FAM217B: variants seen among roughly 807,000 people sequenced by gnomAD.
FAM217B encodes the protein family with sequence similarity 217 member B.
For missense variants in FAM217B, 463 were observed against 456.9 expected (o/e 1.01, Z -0.12); for synonymous variants, 163 against 173.0 (o/e 0.94, Z 0.45).
intron 1 of FAM217B, among the ~76,000 whole-genome samples, chr20:59,934,236 C>T (rs909300221): frequency 2.0e-5 from 3 of 152,212 alleles, no homozygotes; most frequent in Admixed American, 6.5e-5. Context: ...GACCGCAGGT[C>T]CGGAGACGGG....
upstream of FAM217B, among the ~76,000 whole-genome samples, chr20:59,935,543 G>A (rs2060857134): frequency 1.3e-5 from 2 of 152,114 alleles, no homozygotes; most frequent in South Asian, 4.1e-4. Context: ...TGAGTTGATG[G>A]GATTGCTTGA....
chr20:59,945,396 G>A lies in FAM217B; in HGVS notation c.*301G>A, dbSNP rs1331876941. On this transcript the variant is annotated 3_prime_UTR_variant, in exon 4 of 4. Coordinates refer to ENST00000360816, the MANE Select transcript of FAM217B (RefSeq NM_022106.3). ...GCACCTCTCCAGGGAAAGTGTCAGT[G>A]AAACCTCAGCTACAGTAGCCGGTCT... is the stretch of plus-strand genomic sequence containing the variant. 1.4e-5 allele frequency: 4 copies of A among 281,450 alleles called. No homozygotes were observed. The allele number at this position is 281,450 out of a possible 1,614,324, so 17.4% of individuals were successfully genotyped here.
Position 59,945,008 on chromosome 20 carries a change from G to C in FAM217B, c.1065G>C (p.Lys355Asn). 3 of 1,614,192 alleles carry C rather than the reference G, an allele frequency of 1.9e-6. No homozygotes were observed. In the African/African-American group the frequency reaches 4.0e-5, roughly 22 times the overall value. The change falls in exon 4 of 4, where the codon AAG (lysine) becomes AAC (asparagine). Residue 355 changes from lysine (K) to asparagine (N), a missense_variant. Lys to Asn is a moderately conservative substitution (Grantham distance 94). Transcript: ENST00000360816. ...ATGCACATCCTAGGAAAAAGGGAAA[G>C]GCAGAGAGCTGTGGTCATGCCACTG... The part of the protein sequence containing the change: ...QAHAHPRKKG[K>N]AESCGHATVS...
upstream of FAM217B, chr20:59,939,666 G>A (rs768627326): frequency 5.4e-6 from 8 of 1,480,648 alleles, no homozygotes; most frequent in Non-Finnish European, 7.1e-6. Context: ...CGCAGCGCCC[G>A]GCGCGCCCGC....
rs758190283 is a variant in FAM217B at position 59,944,680 on chromosome 20, C to G, written c.737C>G (p.Pro246Arg). 10 of 1,614,178 alleles carry G rather than the reference C, an allele frequency of 6.2e-6. No individual in the cohort carries two copies. The highest frequency in any genetic ancestry group is 8.5e-6 in the Non-Finnish European group (10 of 1,180,034). ...PHQEGASKSG[P>R]SRKKAFHHEE... Reference sequence around the variant, plus strand: ...CAGGAAGGGGCTTCAAAGTCAGGCCCTTCCCGAAAGAAAGCTTTTCACCAT... The same window carrying G: ...CAGGAAGGGGCTTCAAAGTCAGGCCGTTCCCGAAAGAAAGCTTTTCACCAT... The change falls in exon 4 of 4, where the codon CCT (proline) becomes CGT (arginine). Residue 246 changes from proline to arginine, a missense_variant. Coordinates refer to ENST00000360816, the MANE Select transcript of FAM217B (RefSeq NM_022106.3).
At chr20:59,941,548 A>G (rs948298684) in intron 1 of FAM217B, among the ~76,000 whole-genome samples, 2 of 152,160 alleles carry the variant, frequency 1.3e-5, no homozygotes, top group Non-Finnish European at 2.9e-5. Context: ...GTGCACTTTT[A>G]ATAGGCCACT....
chr20:59,943,827 C>T lies in FAM217B; in HGVS notation c.-4-113C>T, dbSNP rs909918950. ...GGAAGCTGACATTTTCTAATGCCTA[C>T]TAATAGCTGAGACAAAAAAAAGTAC... On this transcript the variant is annotated intron_variant, in intron 3 of 3. Transcript: ENST00000360816. 7 of 842,866 alleles carry T rather than the reference C, an allele frequency of 8.3e-6. No homozygotes were observed. The African/African-American group carries it at 1.2e-4, about 15-fold the overall frequency. The allele number at this position is 842,866 out of a possible 1,614,324, so 52.2% of individuals were successfully genotyped here. A position where few individuals can be genotyped will look rare whatever the true frequency, so the allele number is the denominator to read the frequency against.
intron 1 of FAM217B, 51 bp downstream of exon 1, chr20:59,940,586 T>A (rs2060897767): frequency 6.6e-6 from 1 of 152,350 alleles, no homozygotes. Flanking sequence ...CTATCGATCA[T>A]AGACTTTGTC....
At position 59,940,459 on chromosome 20, in the gene FAM217B, C is replaced by G. The variant is rs560228641; in HGVS notation, c.-279C>G. On this transcript the variant is annotated 5_prime_UTR_variant, in exon 1 of 4. Transcript: ENST00000360816. ...CTCCCCTGCCGCAGCGCGCCGCAGC[C>G]GGGCGTCCCCGCGCGGGCGCCGGAG... 6.6e-6 allele frequency: 1 copy of G among 152,322 alleles called. No homozygotes were observed. Among genetic ancestry groups the G allele is most frequent in the South Asian group, 2.1e-4 (1 of 4,818 alleles). 9.4% of individuals were successfully genotyped at this position (152,322 alleles called of 1,614,324 possible).
Position 59,944,433 on chromosome 20 carries a change from G to T in FAM217B, c.490G>T (p.Ala164Ser), listed in dbSNP as rs141597928. ...ACGAGATATGGCCCTGCTTCTGAACGCAGAGAACAAAACGGAAGCCGTGCC... is the reference window on the plus strand; with the variant it reads ...ACGAGATATGGCCCTGCTTCTGAACTCAGAGAACAAAACGGAAGCCGTGCC... ...DLRDMALLLNAENKTEAVPRV... is the reference protein window; with the variant it reads ...DLRDMALLLNSENKTEAVPRV... Residue 164 changes from alanine (A) to serine (S), a missense_variant, in exon 4 of 4, where the codon GCA becomes TCA. Ala to Ser is a moderately conservative substitution (Grantham distance 99, BLOSUM62 1). Coordinates refer to ENST00000360816, the MANE Select transcript of FAM217B (RefSeq NM_022106.3). The T allele has an allele frequency of 3.7e-6, 6 of 1,613,758 alleles. No individual in the cohort carries two copies. The highest frequency in any genetic ancestry group is 1.1e-5 in the South Asian group (1 of 91,054).
upstream of FAM217B, chr20:59,937,876 C>CT (rs1219034661): frequency 1.3e-5 from 2 of 152,336 alleles, no homozygotes; most frequent in Non-Finnish European, 2.9e-5. Flanking sequence ...GTTAGAAACT[C>CT]TATCTGAAGG....
chr20:59,947,517 AAAAG>A lies in FAM217B; in HGVS notation c.*2430_*2433del, dbSNP rs1043845911. The A allele has an allele frequency of 3.0e-5, 5 of 166,834 alleles. No individual in the cohort carries two copies. The highest frequency in any genetic ancestry group is 6.5e-5 in the Admixed American group (1 of 15,308). The allele number at this position is 166,834 out of a possible 1,614,324, so 10.3% of individuals were successfully genotyped here. ...GAAACTCCGTTTCAAAAAAAAAAGAAAAAGAAAGAAATTGAGAAGTAACGCCTCA... is the reference window on the plus strand; with the variant it reads ...GAAACTCCGTTTCAAAAAAAAAAGAAAAAGAAATTGAGAAGTAACGCCTCA... On this transcript the variant is annotated 3_prime_UTR_variant, in exon 4 of 4. Transcript: ENST00000360816.
upstream of FAM217B, chr20:59,939,113 T>A: frequency 1.2e-6 from 2 of 1,603,064 alleles, no homozygotes; most frequent in Non-Finnish European, 1.7e-6. Flanking sequence ...GGCTGTAGTC[T>A]CGGTGGTCGT....
At position 59,944,420 on chromosome 20, in the gene FAM217B, C is replaced by G; in HGVS notation, c.477C>G (p.Ala159=). Reference sequence around the variant, plus strand: ...GCTCCTGGGACCTACGAGATATGGCCCTGCTTCTGAACGCAGAGAACAAAA... The same window carrying G: ...GCTCCTGGGACCTACGAGATATGGCGCTGCTTCTGAACGCAGAGAACAAAA... ...PFSSWDLRDM[A]LLLNAENKTE... The change falls in exon 4 of 4, where the codon GCC becomes GCG. Residue 159 remains alanine, a synonymous_variant. Coordinates refer to ENST00000360816, the MANE Select transcript of FAM217B (RefSeq NM_022106.3). 1 of 1,613,986 alleles carries G rather than the reference C, an allele frequency of 6.2e-7. No homozygotes were observed. The highest frequency in any genetic ancestry group is 8.5e-7 in the Non-Finnish European group (1 of 1,179,986).
At chr20:59,942,988 T>A (rs1231776743) in intron 3 of FAM217B, among the ~76,000 whole-genome samples, 1 of 152,234 alleles carries the variant, frequency 6.6e-6, no homozygotes, top group East Asian at 1.9e-4. Context: ...AATAGTTGCT[T>A]AGGTTGTTTG....
intron 3 of FAM217B, among the ~76,000 whole-genome samples, chr20:59,943,457 G>A (rs955978557): frequency 6.6e-6 from 1 of 152,170 alleles, no homozygotes; most frequent in Non-Finnish European, 1.5e-5. Context: ...ACCAATCAGT[G>A]ATTAAACTGC....
chr20:59,944,211 G>A lies in FAM217B; in HGVS notation c.268G>A (p.Asp90Asn), dbSNP rs781742125. The change falls in exon 4 of 4, where the codon GAT becomes AAT. Residue 90 changes from aspartate (D) to asparagine (N), a missense_variant. Transcript: ENST00000360816. Reference sequence around the variant, plus strand: ...AATGAAAATTATTAAAGAGAATGCTGATGAGGACAGTGCAAGTGATCTCTC... The same window carrying A: ...AATGAAAATTATTAAAGAGAATGCTAATGAGGACAGTGCAAGTGATCTCTC... ...QSMKIIKENA[D>N]EDSASDLSDS... The A allele has an allele frequency of 2.5e-6, 4 of 1,614,176 alleles. No individual in the cohort carries two copies. Among genetic ancestry groups the A allele is most frequent in the Non-Finnish European group, 3.4e-6 (4 of 1,180,032 alleles).
Position 59,944,752 on chromosome 20 carries a change from C to A in FAM217B, c.809C>A (p.Pro270His). 6 of 1,614,132 alleles carry A rather than the reference C, an allele frequency of 3.7e-6. No individual in the cohort carries two copies. The highest frequency in any genetic ancestry group is 5.1e-6 in the Non-Finnish European group (6 of 1,180,032). Residue 270 changes from proline to histidine, a missense_variant, in exon 4 of 4, where the codon CCC becomes CAC. Physicochemically the swap from Pro to His is moderately conservative, Grantham distance 77 (BLOSUM62 -2). Coordinates refer to ENST00000360816, the MANE Select transcript of FAM217B (RefSeq NM_022106.3). ...SHYAFETSPR[P>H]IDVLGGTRFC... ...TATGCATTTGAGACTTCCCCTAGAC[C>A]CATTGATGTGCTTGGTGGTACCAGG...
chr20:59,943,614 TTTTTA>T (rs1308920072), intron 3 of FAM217B, among the ~76,000 whole-genome samples: 12 of 152,366 alleles, frequency 7.9e-5, no homozygotes, highest in African/African-American at 2.9e-4. Flanking sequence ...TAATGTTTTT[TTTTTA>T]AAGTACACAC....
Sources: gnomAD v4.1 joint callset for allele counts (sites outside exome capture counted in the v4.1 genomes callset) on GRCh38, gnomAD v4.1.1 for gene constraint, MANE v1.5 for transcripts, NCBI Gene and HGNC (gene_info 2026-07-23, HGNC 2026-07-21) for gene names.